MICAL3: variants seen among roughly 807,000 people sequenced by gnomAD.
MICAL3 encodes the protein microtubule associated monooxygenase, calponin and LIM domain containing 3.
Under a neutral mutation model 207.4 loss-of-function variants are expected in MICAL3, and 62 were observed. The observed-to-expected ratio is 0.30, with a 90% confidence interval of 0.24 to 0.37. The LOEUF (loss-of-function observed/expected upper bound fraction) is 0.37, where lower values mean the gene tolerates loss of function less well. Ranked by LOEUF, MICAL3 falls within the 10% of genes least tolerant of loss-of-function variation. The pLI, the probability that MICAL3 is intolerant of heterozygous loss-of-function variation, is 1.00. For missense variants in MICAL3, 2,368 were observed against 2,635.6 expected (o/e 0.90, Z 2.22); for synonymous variants, 1,077 against 1,069.3 (o/e 1.01, Z -0.14).
intron 16 of MICAL3, among the ~76,000 whole-genome samples, chr22:17,873,470 T>TGCTGATGTTATTGGGGGTCTGAGG (rs1927937195): frequency 6.6e-6 from 1 of 152,206 alleles, no homozygotes; most frequent in Non-Finnish European, 1.5e-5. Context: ...CCTTTCTCCC[T>TGCTGATGTTATTGGGGGTCTGAGG]GCTGATGTTA....
chr22:17,871,807 C>A, intron 17 of MICAL3, 30 bp downstream of exon 17: 1 of 1,567,570 alleles, frequency 6.4e-7, no homozygotes, highest in South Asian at 1.2e-5. Context: ...CACAGTTTCT[C>A]AGTGGGGCCG....
Position 17,817,461 on chromosome 22 carries a change from C to T in MICAL3, c.5200G>A (p.Ala1734Thr), listed in dbSNP as rs552408651. 351 of 1,613,712 alleles carry T rather than the reference C, an allele frequency of 2.2e-4. 5 individuals are homozygous for T. In the South Asian group the frequency reaches 3.5e-3, roughly 16 times the overall value. ...GACTTCCACAGGGACTTGGGTTTGGCGGCGGCTTCTTCTAGGAGGTTGGAG... is the reference window on the plus strand; with the variant it reads ...GACTTCCACAGGGACTTGGGTTTGGTGGCGGCTTCTTCTAGGAGGTTGGAG... ...PSSNLLEEAA[A>T]KPKSLWKSVF... Residue 1734 changes from alanine to threonine, a missense_variant, in exon 26 of 32, where the codon GCC (alanine) becomes ACC (threonine). Around this residue, in one of 4 missense-constraint regions of MICAL3, gnomAD observed 1,770 missense variants for 1,863.2 expected, o/e 0.95. Coordinates refer to ENST00000441493, the MANE Select transcript of MICAL3 (RefSeq NM_015241.3).
At chr22:17,875,867 A>G (rs5992884) in intron 16 of MICAL3, among the ~76,000 whole-genome samples, 74,380 of 151,900 alleles carry the variant, frequency 0.49, 19,579 homozygotes, top group African/African-American at 0.7. Context: ...GCCTGCAGGA[A>G]GGGCAGGGGG....
At chr22:17,824,044 C>T (rs897873620) in intron 22 of MICAL3, among the ~76,000 whole-genome samples, 2 of 152,108 alleles carry the variant, frequency 1.3e-5, no homozygotes, top group Non-Finnish European at 2.9e-5. Flanking sequence ...AGGCAAAACC[C>T]TCGACAACTT....
chr22:17,910,880 C>T (rs961070521), intron 1 of MICAL3, among the ~76,000 whole-genome samples: 2 of 152,208 alleles, frequency 1.3e-5, no homozygotes, highest in African/African-American at 4.8e-5. Flanking sequence ...CTGGCCTGTC[C>T]TGCACCACCC....
At chr22:17,872,648 C>T in intron 16 of MICAL3, 1 of 761,532 alleles carries the variant, frequency 1.3e-6, no homozygotes, top group Non-Finnish European at 2.3e-6. Flanking sequence ...TACCGCATAG[C>T]ATACACGGGC....
chr22:17,961,494 A>G (rs1316408104), intron 1 of MICAL3, among the ~76,000 whole-genome samples: 2 of 146,886 alleles, frequency 1.4e-5, no homozygotes, highest in African/African-American at 5.1e-5. Context: ...CCTTCCCCCC[A>G]CCCTCTCACC....
intron 17 of MICAL3, among the ~76,000 whole-genome samples, chr22:17,866,920 C>G (rs1927221221): frequency 6.6e-6 from 1 of 152,346 alleles, no homozygotes; most frequent in Non-Finnish European, 1.5e-5. Context: ...TTTTGAATCT[C>G]AAGTGATAAA....
Position 17,817,315 on chromosome 22 carries a change from C to T in MICAL3, c.5346G>A (p.Arg1782=), listed in dbSNP as rs1394585799. 5.0e-6 allele frequency: 8 copies of T among 1,594,336 alleles called. No homozygotes were observed. The highest frequency in any genetic ancestry group is 1.8e-5 in the Admixed American group (1 of 56,928). ...CGGACCCGGCTGCTGACGCACCTGCCCTTACGACGGGAAGCACCCTGTGCT... is the reference window on the plus strand; with the variant it reads ...CGGACCCGGCTGCTGACGCACCTGCTCTTACGACGGGAAGCACCCTGTGCT... The part of the protein sequence containing the change: ...SGKHRVLPVV[R]AELQLRRQLS... Residue 1782 remains arginine (R), a synonymous_variant, in exon 26 of 32, where the codon AGG becomes AGA. Coordinates refer to ENST00000441493, the MANE Select transcript of MICAL3 (RefSeq NM_015241.3).
intron 16 of MICAL3, among the ~76,000 whole-genome samples, chr22:17,881,764 G>A (rs569113423): frequency 6.6e-6 from 1 of 152,168 alleles, no homozygotes; most frequent in South Asian, 2.1e-4. Flanking sequence ...CTCAGTCCCT[G>A]CACTCATGGA....
chr22:17,946,601 C>A (rs1030600002), intron 1 of MICAL3, among the ~76,000 whole-genome samples: 20 of 152,226 alleles, frequency 1.3e-4, no homozygotes, highest in African/African-American at 4.3e-4. Flanking sequence ...AGAGGCACTG[C>A]ACACACATGT....
At chr22:17,803,958 T>C (rs922807386) in intron 29 of MICAL3, 4 of 504,792 alleles carry the variant, frequency 7.9e-6, no homozygotes, top group African/African-American at 6.3e-5. Flanking sequence ...CAATCAATGA[T>C]ATGGAGCGCA....
At chr22:17,980,818 C>T (rs777457995) in intron 1 of MICAL3, 7 of 500,670 alleles carry the variant, frequency 1.4e-5, no homozygotes, top group Admixed American at 5.9e-5. Flanking sequence ...GCCTCAGCCT[C>T]GCCCAGATGC....
At position 17,872,558 on chromosome 22, in the gene MICAL3, T is replaced by A. The variant is rs116773062; in HGVS notation, c.2242-535A>T. On this transcript the variant is annotated intron_variant, in intron 16 of 31. Transcript: ENST00000441493. The stretch of plus-strand genomic sequence containing the variant: ...TGTTGACATAGTTCACATGAATATA[T>A]GTGGGTCCCTGGACTCACACAACAA... Among the ~76,000 whole-genome samples, 1,076 of 152,366 alleles carry A rather than the reference T, an allele frequency of 7.1e-3. 12 individuals carry two copies. The highest frequency in any genetic ancestry group is 0.024 in the African/African-American group (1,014 of 41,592).
chr22:17,838,752 G>A (rs1923674458), intron 20 of MICAL3, among the ~76,000 whole-genome samples: 1 of 152,102 alleles, frequency 6.6e-6, no homozygotes, highest in African/African-American at 2.4e-5. Flanking sequence ...TTCCTTGGCT[G>A]GAACGGTTAA....
chr22:17,938,490 A>G (rs1037295546), intron 1 of MICAL3, among the ~76,000 whole-genome samples: 3 of 152,164 alleles, frequency 2.0e-5, no homozygotes, highest in Admixed American at 1.3e-4. Flanking sequence ...TGTGTTACCA[A>G]TGCTCCTCCT....
chr22:17,803,218 G>A (rs1187919956), intron 29 of MICAL3, among the ~76,000 whole-genome samples: 2 of 152,132 alleles, frequency 1.3e-5, no homozygotes, highest in Admixed American at 6.5e-5. Flanking sequence ...TCACTGAAAA[G>A]AAGTACAAAG....
chr22:17,814,909 G>T (rs941886542), intron 27 of MICAL3: 5 of 151,092 alleles, frequency 3.3e-5, no homozygotes, highest in African/African-American at 1.2e-4. Flanking sequence ...CGTCCCGTAG[G>T]TCATCCATCC....
At chr22:17,937,183 T>C (rs1355535041) in intron 1 of MICAL3, among the ~76,000 whole-genome samples, 2 of 152,228 alleles carry the variant, frequency 1.3e-5, no homozygotes, top group African/African-American at 4.8e-5. Context: ...AATGGTAAAT[T>C]ACCTGCTTTA....
Sources: gnomAD v4.1 joint callset for allele counts (sites outside exome capture counted in the v4.1 genomes callset) on GRCh38, gnomAD v4.1.1 for gene constraint, gnomAD v4.1.1 regional missense constraint, MANE v1.5 for transcripts, NCBI Gene and HGNC (gene_info 2026-07-23, HGNC 2026-07-21) for gene names.